SREBF2: variants seen among roughly 807,000 people sequenced by gnomAD.
SREBF2 encodes sterol regulatory element binding transcription factor 2, also known as sterol regulatory element-binding protein 2.
In SREBF2, 55 loss-of-function variants were observed where a neutral mutation model predicts 113.1. That is an observed-to-expected ratio of 0.49 (90% CI 0.39 to 0.61). The LOEUF is 0.61. SREBF2 is among the 20% of genes least tolerant of loss of function. The probability of loss-of-function intolerance (pLI) is 0.00; values close to 1 mark genes in which losing one functional copy is unlikely to be tolerated. For synonymous variants in SREBF2, 593 were observed against 605.7 expected, an observed-to-expected ratio of 0.98 and a Z score of 0.31; for missense variants, 1,349 against 1,487.4, an observed-to-expected ratio of 0.91 and a Z score of 1.53.
In SREBF2 at chr22:41,873,848, G is replaced by C; in HGVS notation, c.918G>C (p.Met306Ile). The C allele has an allele frequency of 6.2e-7, 1 of 1,613,076 alleles. No individual in the cohort carries two copies. Among genetic ancestry groups the C allele is most frequent in the Non-Finnish European group, 8.5e-7 (1 of 1,179,546 alleles). ...TTCTGACCACAATGCCTGTAATGAT[G>C]GGGCAAGAGAAAGTGCCCATTAAGC... Reference protein sequence around the residue: ...GTILTTMPVMMGQEKVPIKQV... With the variant: ...GTILTTMPVMIGQEKVPIKQV... Residue 306 changes from methionine to isoleucine, a missense_variant, in exon 5 of 19, where the codon ATG becomes ATC. Coordinates refer to ENST00000361204, the MANE Select transcript of SREBF2 (RefSeq NM_004599.4).
intron 18 of SREBF2, 35 bp from the exon 19 acceptor site, chr22:41,905,405 G>T: frequency 6.5e-7 from 1 of 1,540,428 alleles, no homozygotes. Context: ...CTTCATGGTA[G>T]ATTCTCGGTT....
At chr22:41,886,759 C>T (rs543823434) in intron 11 of SREBF2, among the ~76,000 whole-genome samples, 1 of 152,320 alleles carries the variant, frequency 6.6e-6, no homozygotes, top group Admixed American at 6.5e-5. Flanking sequence ...GAGGGCCGGG[C>T]ACGGTGGCTT....
intron 2 of SREBF2, among the ~76,000 whole-genome samples, chr22:41,867,693 G>C (rs192222733): frequency 8.3e-4 from 126 of 152,242 alleles, no homozygotes; most frequent in African/African-American, 2.6e-3. Flanking sequence ...TGTAGTCCCA[G>C]CTACTCGGGA....
At chr22:41,839,277 A>T (rs142328886) in intron 1 of SREBF2, among the ~76,000 whole-genome samples, 31 of 152,312 alleles carry the variant, frequency 2.0e-4, no homozygotes, top group African/African-American at 6.5e-4. Flanking sequence ...CCTGGGGGTC[A>T]TCCATTAGGA....
At chr22:41,834,572 G>A (rs2076751693) in intron 1 of SREBF2, 1 of 152,700 alleles carries the variant, frequency 6.5e-6, no homozygotes, top group South Asian at 2.1e-4. Context: ...AGATGAAGAA[G>A]CAGAAGCAGC....
At chr22:41,848,273 G>C (rs961290581) in intron 1 of SREBF2, among the ~76,000 whole-genome samples, 6 of 151,896 alleles carry the variant, frequency 4.0e-5, no homozygotes, top group African/African-American at 1.5e-4. Context: ...TTTTTTAGTA[G>C]AGACGGAGTT....
intron 13 of SREBF2, 58 bp from the exon 14 acceptor site, chr22:41,896,994 T>G: frequency 2.5e-6 from 3 of 1,221,054 alleles, no homozygotes; most frequent in Non-Finnish European, 3.6e-6. Flanking sequence ...AGCTAGGCCA[T>G]GAGGTGGGCC....
chr22:41,844,931 C>T (rs1467985074), intron 1 of SREBF2, among the ~76,000 whole-genome samples: 1 of 90,010 alleles, frequency 1.1e-5, no homozygotes, highest in Non-Finnish European at 2.0e-5. Flanking sequence ...TTGATTTCCA[C>T]CCCCACCCCC....
intron 11 of SREBF2, among the ~76,000 whole-genome samples, chr22:41,889,203 C>G (rs2077331218): frequency 6.6e-6 from 1 of 152,122 alleles, no homozygotes; most frequent in African/African-American, 2.4e-5. Flanking sequence ...ACGGCACACT[C>G]TAGCCTCAAC....
chr22:41,849,056 A>AT (rs1470567339), intron 1 of SREBF2, among the ~76,000 whole-genome samples: 3 of 152,228 alleles, frequency 2.0e-5, no homozygotes. Context: ...ATACGTATAT[A>AT]TACACTGAAG....
chr22:41,862,984 A>C (rs2148370243), intron 1 of SREBF2, among the ~76,000 whole-genome samples: 1 of 152,270 alleles, frequency 6.6e-6, no homozygotes, highest in East Asian at 1.9e-4. Flanking sequence ...TGTGTAGGTT[A>C]CTTCACCACA....
chr22:41,861,715 G>A (rs183536994), intron 1 of SREBF2, among the ~76,000 whole-genome samples: 1 of 152,172 alleles, frequency 6.6e-6, no homozygotes, highest in Admixed American at 6.5e-5. Flanking sequence ...CTGAGGTCAG[G>A]AGTTCGAGAC....
Position 41,907,010 on chromosome 22 carries a change from T to C in SREBF2, c.*1350T>C, listed in dbSNP as rs534753498. 2 of 152,310 alleles carry C rather than the reference T, an allele frequency of 1.3e-5. No individual in the cohort carries two copies. The highest frequency in any genetic ancestry group is 1.3e-4 in the Admixed American group (2 of 15,300). The allele number at this position is 152,310 out of a possible 1,614,324, so 9.4% of individuals were successfully genotyped here. On this transcript the variant is annotated 3_prime_UTR_variant, in exon 19 of 19. Transcript: ENST00000361204. ...GGTGGGCAGGAGCCCCAGCACAGAC[T>C]GGGGGGTGCTCACAGCAGGGCCACC...
Position 41,833,375 on chromosome 22 carries a change from T to A in SREBF2, c.88+17T>A. ...ACATCGACGGTGAGTGGTGGGTGGG[T>A]GGGAGTGCGGGGGCCGCGCGGGGAG... is the stretch of plus-strand genomic sequence containing the variant. On this transcript the variant is annotated intron_variant, in intron 1 of 18. Coordinates refer to ENST00000361204, the MANE Select transcript of SREBF2 (RefSeq NM_004599.4). This position sits in a 1 kb window ranked among gnomAD's most constrained non-coding sequence, Gnocchi z 4.1. 1.1e-5 allele frequency: 3 copies of A among 264,942 alleles called. No homozygotes were observed. The highest frequency in any genetic ancestry group is 2.3e-5 in the Non-Finnish European group (3 of 128,572). The allele number at this position is 264,942 out of a possible 1,614,324, so 16.4% of individuals were successfully genotyped here.
chr22:41,851,819 CT>C (rs2076933936), intron 1 of SREBF2, among the ~76,000 whole-genome samples: 1 of 148,530 alleles, frequency 6.7e-6, no homozygotes, highest in East Asian at 2.2e-4. Flanking sequence ...TCTAAAGACA[CT>C]TTAAAAAAAA....
chr22:41,905,740 G>C lies in SREBF2; in HGVS notation c.*80G>C, dbSNP rs2077503242. The stretch of plus-strand genomic sequence containing the variant: ...CAGCATCTTCCCGCTGAGAGTGGTG[G>C]GGAAGAGCCTTGTCTTCTTAGCTGT... On this transcript the variant is annotated 3_prime_UTR_variant, in exon 19 of 19. Transcript: ENST00000361204. The C allele has an allele frequency of 6.9e-7, 1 of 1,455,876 alleles. No homozygotes were observed. Among genetic ancestry groups the C allele is most frequent in the African/African-American group, 1.4e-5 (1 of 71,354 alleles). 90.2% of individuals were successfully genotyped at this position (1,455,876 alleles called of 1,614,324 possible).
In SREBF2 at chr22:41,833,786, T is replaced by G. The variant is rs1602255059; in HGVS notation, c.88+428T>G. The G allele has an allele frequency of 2.5e-5, 4 of 157,370 alleles. No individual in the cohort carries two copies. Among genetic ancestry groups the G allele is most frequent in the Non-Finnish European group, 5.6e-5 (4 of 71,224 alleles). 9.7% of individuals were successfully genotyped at this position (157,370 alleles called of 1,614,324 possible). On this transcript the variant is annotated intron_variant, in intron 1 of 18. Coordinates refer to ENST00000361204, the MANE Select transcript of SREBF2 (RefSeq NM_004599.4). This position sits in a 1 kb window ranked among gnomAD's most constrained non-coding sequence, Gnocchi z 4.1. ...CCTGGCCGCGGGGACGTCTTTGGGATTCCCGGGGCCCAGCCCCCAGTCTCC... is the reference window on the plus strand; with the variant it reads ...CCTGGCCGCGGGGACGTCTTTGGGAGTCCCGGGGCCCAGCCCCCAGTCTCC...
chr22:41,833,256 G>T lies in SREBF2; in HGVS notation c.-15G>T, dbSNP rs762591939. ...GAGCGGGACGGCAGGGGGGGCTTCTGCGCTGAGCCGGGCGATGGACGACAG... is the reference window on the plus strand; with the variant it reads ...GAGCGGGACGGCAGGGGGGGCTTCTTCGCTGAGCCGGGCGATGGACGACAG... On this transcript the variant is annotated 5_prime_UTR_variant, in exon 1 of 19. Transcript: ENST00000361204. This position sits in a 1 kb window ranked among gnomAD's most constrained non-coding sequence, Gnocchi z 4.1. 2.0e-6 allele frequency: 3 copies of T among 1,522,654 alleles called. No individual in the cohort carries two copies. Among genetic ancestry groups the T allele is most frequent in the African/African-American group, 1.4e-5 (1 of 70,180 alleles). 94.3% of individuals were successfully genotyped at this position (1,522,654 alleles called of 1,614,324 possible).
intron 17 of SREBF2, among the ~76,000 whole-genome samples, chr22:41,903,392 G>A (rs1199521234): frequency 6.6e-6 from 1 of 152,230 alleles, no homozygotes; most frequent in Non-Finnish European, 1.5e-5. Flanking sequence ...TCAGCAGGGA[G>A]CAGGCCACAC....
Sources: gnomAD v4.1 joint callset for allele counts (sites outside exome capture counted in the v4.1 genomes callset) on GRCh38, gnomAD v4.1.1 for gene constraint, Gnocchi (gnomAD v3.1) non-coding constraint, MANE v1.5 for transcripts, NCBI Gene and HGNC (gene_info 2026-07-23, HGNC 2026-07-21) for gene names.